Variants in EXOC3L2 observed in about 807,000 individuals in gnomAD.
The protein encoded by EXOC3L2 is exocyst complex component 3-like protein 2.
In EXOC3L2, 17 loss-of-function variants were observed where a neutral mutation model predicts 44.4. The ratio of observed to expected loss-of-function variants is 0.38; its 90% confidence interval spans 0.26 to 0.57. The LOEUF is 0.57. EXOC3L2 is among the 20% of genes least tolerant of loss of function. EXOC3L2 has a pLI of 0.65. For synonymous variants in EXOC3L2, 256 were observed against 253.7 expected, an observed-to-expected ratio of 1.01 and a Z score of -0.09; for missense variants, 541 against 588.4, an observed-to-expected ratio of 0.92 and a Z score of 0.83.
At chr19:45,230,171 C>T (rs1970015479) in intron 4 of EXOC3L2, among the ~76,000 whole-genome samples, 1 of 151,762 alleles carries the variant, frequency 6.6e-6, no homozygotes, top group Admixed American at 6.6e-5. Context: ...CAGGCACGTG[C>T]CACCACACCC....
chr19:45,234,300 G>A lies in EXOC3L2; in HGVS notation c.1050C>T (p.Arg350=). 1 of 390,780 alleles carries A rather than the reference G, an allele frequency of 2.6e-6. No individual in the cohort carries two copies. Among genetic ancestry groups the A allele is most frequent in the Non-Finnish European group, 4.5e-6 (1 of 220,990 alleles). 24.2% of individuals were successfully genotyped at this position (390,780 alleles called of 1,614,324 possible). ...AGLGAFGVYL[R]GYHGALAEWL... is the part of the protein sequence containing the mutation. Reference sequence around the variant, plus strand: ...ACTCGGCCAGGGCCCCGTGGTAGCCGCGCAGGTAGACGCCGAAGGCGCCCA... The same window carrying A: ...ACTCGGCCAGGGCCCCGTGGTAGCCACGCAGGTAGACGCCGAAGGCGCCCA... The change falls in exon 3 of 12, where the codon CGC becomes CGT. Residue 350 remains arginine (R), a synonymous_variant. Transcript: ENST00000413988. This position sits in a 1 kb window ranked among gnomAD's most constrained non-coding sequence, Gnocchi z 5.0.
intron 1 of EXOC3L2, among the ~76,000 whole-genome samples, chr19:45,242,212 A>G (rs1162164422): frequency 6.6e-6 from 1 of 152,180 alleles, no homozygotes; most frequent in Non-Finnish European, 1.5e-5. Context: ...TTCTGTGCCT[A>G]CAATCCTAGC....
At chr19:45,244,571 A>C (rs1970154947) in intron 1 of EXOC3L2, among the ~76,000 whole-genome samples, 1 of 151,202 alleles carries the variant, frequency 6.6e-6, no homozygotes, top group East Asian at 1.9e-4. Context: ...CCCCTGACTC[A>C]CTTCCGAGGC....
Position 45,223,617 on chromosome 19 carries a change from C to T in EXOC3L2, c.1719+1161G>A, listed in dbSNP as rs566978865. On this transcript the variant is annotated intron_variant, in intron 8 of 11. Transcript: ENST00000413988. ...CTTGGCCTCCCAAGTGCTGGGATTA[C>T]AGGCGTGAGCCACCGCACCCAGTCA... Among the ~76,000 whole-genome samples the T allele has an allele frequency of 1.3e-4, 19 of 147,542 alleles. 2 individuals carry two copies. In the South Asian group the frequency reaches 4.0e-3, roughly 31 times the overall value.
At position 45,228,088 on chromosome 19, in the gene EXOC3L2, G is replaced by T; in HGVS notation, c.1372-14C>A. Reference sequence around the variant, plus strand: ...CTCTTCCAGCAGCTGTGAGGTCCAGGGCGACAAGAAGAGGTGAGGAGGGGC... The same window carrying T: ...CTCTTCCAGCAGCTGTGAGGTCCAGTGCGACAAGAAGAGGTGAGGAGGGGC... On this transcript the variant is annotated splice_polypyrimidine_tract_variant and intron_variant, in intron 5 of 11. Transcript: ENST00000413988. 6.2e-7 allele frequency: 1 copy of T among 1,614,086 alleles called. No individual in the cohort carries two copies. The highest frequency in any genetic ancestry group is 2.2e-5 in the East Asian group (1 of 44,868).
intron 8 of EXOC3L2, among the ~76,000 whole-genome samples, chr19:45,221,644 C>CTTTT (rs373572170): frequency 7.6e-5 from 7 of 91,828 alleles, no homozygotes; most frequent in Non-Finnish European, 1.2e-4. Flanking sequence ...CCCAGCAGGG[C>CTTTT]TTTTTTTTTT....
At chr19:45,224,201 G>A (rs909560109) in intron 8 of EXOC3L2, among the ~76,000 whole-genome samples, 2 of 151,888 alleles carry the variant, frequency 1.3e-5, no homozygotes, top group Non-Finnish European at 2.9e-5. Flanking sequence ...GGCAGGAGAT[G>A]AGGTCTGAGA....
At chr19:45,242,987 G>A (rs1009631649) in intron 1 of EXOC3L2, among the ~76,000 whole-genome samples, 4 of 151,636 alleles carry the variant, frequency 2.6e-5, no homozygotes, top group African/African-American at 7.3e-5. Flanking sequence ...CTGTTTACCC[G>A]TCCAAGTAGA....
chr19:45,214,717 G>A (rs962992627), intron 11 of EXOC3L2, among the ~76,000 whole-genome samples: 2 of 151,682 alleles, frequency 1.3e-5, no homozygotes, highest in Admixed American at 6.6e-5. Flanking sequence ...CACCTACCTC[G>A]GCCTCCCAAA....
chr19:45,230,756 G>C (rs768796599), intron 4 of EXOC3L2, among the ~76,000 whole-genome samples: 12 of 152,076 alleles, frequency 7.9e-5, no homozygotes, highest in Non-Finnish European at 1.8e-4. Flanking sequence ...TCCAAAGGCT[G>C]GGCTGCAAAG....
At chr19:45,236,103 G>A (rs757474574) in intron 2 of EXOC3L2, among the ~76,000 whole-genome samples, 5 of 151,886 alleles carry the variant, frequency 3.3e-5, no homozygotes, top group Non-Finnish European at 7.4e-5. Context: ...ATGACATTGG[G>A]GTCTGGGTAG....
chr19:45,230,273 C>T (rs986422554), intron 4 of EXOC3L2, among the ~76,000 whole-genome samples: 2 of 152,132 alleles, frequency 1.3e-5, no homozygotes, highest in Admixed American at 1.3e-4. Context: ...GGCTGGAGTG[C>T]AGTGGTGCGA....
At chr19:45,224,161 A>C (rs1969929014) in intron 8 of EXOC3L2, among the ~76,000 whole-genome samples, 1 of 121,632 alleles carries the variant, frequency 8.2e-6, no homozygotes, top group Admixed American at 9.2e-5. Context: ...TTAGTGGGAG[A>C]GCCAGGAGTG....
At chr19:45,219,755 G>A (rs553467403) in intron 8 of EXOC3L2, among the ~76,000 whole-genome samples, 1 of 152,218 alleles carries the variant, frequency 6.6e-6, no homozygotes, top group South Asian at 2.1e-4. Context: ...GATTTTGGGG[G>A]GAAGTTAATT....
At chr19:45,214,704 A>T (rs1969815017) in intron 11 of EXOC3L2, among the ~76,000 whole-genome samples, 4 of 151,748 alleles carry the variant, frequency 2.6e-5, no homozygotes, top group Admixed American at 2.6e-4. Context: ...ACCTCAGGTG[A>T]TCCACCTACC....
chr19:45,227,493 GC>G (rs1395980087), intron 7 of EXOC3L2, among the ~76,000 whole-genome samples, 168 bp downstream of exon 7: 1 of 152,156 alleles, frequency 6.6e-6, no homozygotes, highest in Non-Finnish European at 1.5e-5. Context: ...ATATTCGGAT[GC>G]TCTGTGGTGC....
intron 1 of EXOC3L2, among the ~76,000 whole-genome samples, chr19:45,243,777 C>T (rs1391282809): frequency 6.6e-6 from 1 of 151,744 alleles, no homozygotes; most frequent in Non-Finnish European, 1.5e-5. Context: ...CTACAGGTGC[C>T]CACCACCACG....
chr19:45,218,067 AG>A, intron 9 of EXOC3L2, 129 bp downstream of exon 9: 5 of 1,280,290 alleles, frequency 3.9e-6, no homozygotes, highest in Non-Finnish European at 4.2e-6. Flanking sequence ...CCCACCTTAG[AG>A]GGGTTTCCTC....
At chr19:45,229,608 G>A (rs189564609) in intron 4 of EXOC3L2, among the ~76,000 whole-genome samples, 132 of 149,336 alleles carry the variant, frequency 8.8e-4, no homozygotes, top group Middle Eastern at 3.5e-3. Flanking sequence ...CACTTTGGGA[G>A]GCCAAGATGG....
Sources: gnomAD v4.1 joint callset for allele counts (sites outside exome capture counted in the v4.1 genomes callset) on GRCh38, gnomAD v4.1.1 for gene constraint, Gnocchi (gnomAD v3.1) non-coding constraint, MANE v1.5 for transcripts, NCBI Gene and HGNC (gene_info 2026-07-23, HGNC 2026-07-21) for gene names.